RAPGEF6: variants seen among roughly 807,000 people sequenced by gnomAD.
RAPGEF6 encodes the protein PDZ domain containing guanine nucleotide exchange factor (GEF) 2.
RAPGEF6 carries 56 observed loss-of-function variants against 171.4 expected under a neutral mutation model. The ratio of observed to expected loss-of-function variants is 0.33; its 90% CI spans 0.26 to 0.41. The LOEUF (loss-of-function observed/expected upper bound fraction) is 0.41, where lower values mean the gene tolerates loss of function less well. RAPGEF6 is among the 10% of genes least tolerant of loss of function. The pLI is 1.00. For synonymous variants in RAPGEF6, 692 were observed against 650.1 expected (o/e 1.06, Z -0.98); for missense variants, 1,674 against 1,921.4 (o/e 0.87, Z 2.41).
rs778008935 is a variant in RAPGEF6, at chr5:131,495,653, C to T, written c.1427G>A (p.Arg476Gln). Residue 476 changes from arginine (R) to glutamine (Q), a missense_variant, in exon 13 of 28, where the codon CGG (arginine) becomes CAG (glutamine). Arg to Gln is a conservative substitution (Grantham distance 43, BLOSUM62 1). Coordinates refer to ENST00000509018, the MANE Select transcript of RAPGEF6 (RefSeq NM_016340.6). ...KIDSLRDKVT[R>Q]IVLLWVNNHF... ...ATTATTTACCCATAATAATACAATCCGTGTCACCTGTGGAAACATAAAAGA... is the reference window on the plus strand; with the variant it reads ...ATTATTTACCCATAATAATACAATCTGTGTCACCTGTGGAAACATAAAAGA... 2 of 1,611,836 alleles carry T rather than the reference C, an allele frequency of 1.2e-6. No individual in the cohort carries two copies. The highest frequency in any genetic ancestry group is 1.3e-5 in the African/African-American group (1 of 74,876).
intron 5 of RAPGEF6, among the ~76,000 whole-genome samples, chr5:131,549,907 C>A (rs1412214777): frequency 6.6e-6 from 1 of 152,058 alleles, no homozygotes; most frequent in African/African-American, 2.4e-5. Context: ...GTGTTGTTCC[C>A]CTCTATGTGT....
At chr5:131,543,062 C>T (rs1270753035) in intron 6 of RAPGEF6, among the ~76,000 whole-genome samples, 1 of 152,100 alleles carries the variant, frequency 6.6e-6, no homozygotes. Context: ...TTCAATTAAA[C>T]AGGACTGGTC....
chr5:131,635,220 AGAC>A lies in RAPGEF6; in HGVS notation c.-193_-191del. Reference sequence around the variant, plus strand: ...CCTCTACCCACGCGCGACTGGCCGGAGACAAGTCTGCGCGGGGGCGGGGGAGAG... The same window carrying A: ...CCTCTACCCACGCGCGACTGGCCGGAAAGTCTGCGCGGGGGCGGGGGAGAG... On this transcript the variant is annotated 5_prime_UTR_variant, in exon 1 of 28. Coordinates refer to ENST00000509018, the MANE Select transcript of RAPGEF6 (RefSeq NM_016340.6). 1 of 573,920 alleles carries A rather than the reference AGAC, an allele frequency of 1.7e-6. No homozygotes were observed. The highest frequency in any genetic ancestry group is 3.0e-6 in the Non-Finnish European group (1 of 333,692). The allele number at this position is 573,920 out of a possible 1,614,324, so 35.6% of individuals were successfully genotyped here.
intron 1 of RAPGEF6, among the ~76,000 whole-genome samples, chr5:131,608,002 A>G (rs1354274374): frequency 6.6e-6 from 1 of 152,220 alleles, no homozygotes; most frequent in Admixed American, 6.5e-5. Flanking sequence ...TCATTGTAGT[A>G]GTCCTGAACT....
chr5:131,494,431 G>A (rs945318323), intron 13 of RAPGEF6, among the ~76,000 whole-genome samples: 1 of 152,102 alleles, frequency 6.6e-6, no homozygotes, highest in African/African-American at 2.4e-5. Context: ...TATATAGAAA[G>A]GAAACCTAGA....
intron 6 of RAPGEF6, among the ~76,000 whole-genome samples, chr5:131,539,028 C>T (rs958418932): frequency 2.0e-5 from 3 of 152,158 alleles, no homozygotes; most frequent in Non-Finnish European, 4.4e-5. Flanking sequence ...AAAGAATATA[C>T]ACCTGTTCAG....
intron 6 of RAPGEF6, among the ~76,000 whole-genome samples, chr5:131,524,609 TGAGAGAGAGAGAGAGAGA>T (rs55956395): frequency 3.7e-5 from 5 of 134,906 alleles, no homozygotes; most frequent in Admixed American, 1.4e-4. Flanking sequence ...AGAGAGAGAT[TGAGAGAGAGAGAGAGAGA>T]GAGAGAGAGA....
chr5:131,503,627 G>A (rs1222245989), intron 11 of RAPGEF6, among the ~76,000 whole-genome samples: 1 of 152,158 alleles, frequency 6.6e-6, no homozygotes, highest in Admixed American at 6.5e-5. Flanking sequence ...GCAATTAATA[G>A]TGGCAATAAT....
chr5:131,559,017 G>C (rs986709254), intron 5 of RAPGEF6, among the ~76,000 whole-genome samples: 45 of 152,044 alleles, frequency 3.0e-4, no homozygotes, highest in African/African-American at 9.7e-4. Flanking sequence ...TGTTTTGTCA[G>C]TTACTTTAGA....
In RAPGEF6 at chr5:131,514,613, A is replaced by C. The variant is rs575180488; in HGVS notation, c.628-4122T>G. ...ATAAGTTCAAGAATTTAGAAGAAAAACAATTAGAGGAAAAATGGATAATCT... is the reference window on the plus strand; with the variant it reads ...ATAAGTTCAAGAATTTAGAAGAAAACCAATTAGAGGAAAAATGGATAATCT... On this transcript the variant is annotated intron_variant, in intron 7 of 27. Transcript: ENST00000509018. Among the ~76,000 whole-genome samples, 4 of 150,640 alleles carry C rather than the reference A, an allele frequency of 2.7e-5. No individual in the cohort carries two copies. The East Asian group carries it at 7.7e-4, about 29-fold the overall frequency.
At chr5:131,454,349 C>T (rs1580848125) in intron 20 of RAPGEF6, among the ~76,000 whole-genome samples, 1 of 152,062 alleles carries the variant, frequency 6.6e-6, no homozygotes, top group Non-Finnish European at 1.5e-5. Context: ...ATTCAAAAAG[C>T]GAGATTATTT....
intron 6 of RAPGEF6, among the ~76,000 whole-genome samples, chr5:131,535,081 C>G (rs891068937): frequency 1.3e-5 from 2 of 152,132 alleles, no homozygotes; most frequent in African/African-American, 4.8e-5. Context: ...GTAGTAAACA[C>G]CAACTCAGTA....
At chr5:131,452,669 T>C (rs1382425549) in intron 21 of RAPGEF6, among the ~76,000 whole-genome samples, 1 of 151,270 alleles carries the variant, frequency 6.6e-6, no homozygotes, top group African/African-American at 2.4e-5. Context: ...GGTTTCACCT[T>C]GTTAGCTAGG....
At chr5:131,477,120 T>C (rs1242901295) in intron 16 of RAPGEF6, among the ~76,000 whole-genome samples, 2 of 152,176 alleles carry the variant, frequency 1.3e-5, no homozygotes, top group Non-Finnish European at 2.9e-5. Flanking sequence ...AGTATACCTT[T>C]GTGTAGCAGA....
intron 23 of RAPGEF6, 90 bp from the exon 24 acceptor site, chr5:131,439,805 T>C: frequency 6.6e-7 from 1 of 1,519,948 alleles, no homozygotes; most frequent in South Asian, 1.3e-5. Context: ...AACACTATGA[T>C]GCACAATGGC....
chr5:131,529,530 A>G (rs1002350745), intron 6 of RAPGEF6, among the ~76,000 whole-genome samples: 1 of 151,906 alleles, frequency 6.6e-6, no homozygotes, highest in Non-Finnish European at 1.5e-5. Flanking sequence ...TCAGCTTGCG[A>G]GAGTACTACT....
chr5:131,562,050 A>G lies in RAPGEF6; in HGVS notation c.282-3T>C, dbSNP rs1401398795. 6.4e-7 allele frequency: 1 copy of G among 1,559,418 alleles called. No homozygotes were observed. Among genetic ancestry groups the G allele is most frequent in the Non-Finnish European group, 8.7e-7 (1 of 1,150,510 alleles). ...TTCCTCCAAACTGCTTACCAAAACT[A>G]TAAAAACAGAAAAACAATTTCTTTA... is the stretch of plus-strand genomic sequence containing the variant. On this transcript the variant is annotated splice_region_variant and splice_polypyrimidine_tract_variant and intron_variant, in intron 4 of 27. Coordinates refer to ENST00000509018, the MANE Select transcript of RAPGEF6 (RefSeq NM_016340.6).
At chr5:131,501,283 C>G (rs558588936) in intron 11 of RAPGEF6, among the ~76,000 whole-genome samples, 1 of 151,706 alleles carries the variant, frequency 6.6e-6, no homozygotes, top group African/African-American at 2.4e-5. Flanking sequence ...TTGCAGTGAG[C>G]CAAGATCGTG....
chr5:131,518,399 A>ATTT (rs11436573), intron 7 of RAPGEF6, among the ~76,000 whole-genome samples: 3 of 144,800 alleles, frequency 2.1e-5, no homozygotes, highest in Non-Finnish European at 4.5e-5. Flanking sequence ...AGAGTTTGAA[A>ATTT]TTTTTTTTTT....
Sources: allele counts gnomAD v4.1 joint callset (sites outside exome capture counted in the v4.1 genomes callset), GRCh38; gene constraint gnomAD v4.1.1; transcripts MANE v1.5; gene names NCBI Gene and HGNC (gene_info 2026-07-23, HGNC 2026-07-21).